The following ARHGEF18 variants were observed in gnomAD, a reference collection of about 807,000 sequenced individuals.
The protein encoded by ARHGEF18 is Rho/Rac guanine nucleotide exchange factor 18, also known as rho guanine nucleotide exchange factor 18.
A neutral mutation model predicts 155.7 loss-of-function variants in ARHGEF18; 93 were observed. The observed-to-expected ratio is 0.60, with a 90% CI of 0.50 to 0.71. The LOEUF is 0.71. Ranked by LOEUF, ARHGEF18 falls within the 30% of genes least tolerant of loss-of-function variation. ARHGEF18 has a pLI of 0.00. For missense variants in ARHGEF18, 1,593 were observed against 1,816.1 expected (o/e 0.88, Z 2.23); for synonymous variants, 742 against 753.1 (o/e 0.99, Z 0.24).
At chr19:7,362,407 C>T (rs1428356478) in intron 1 of ARHGEF18, among the ~76,000 whole-genome samples, 1 of 152,058 alleles carries the variant, frequency 6.6e-6, no homozygotes, top group Non-Finnish European at 1.5e-5. Context: ...GGACCATTAG[C>T]ATCATTGATC....
rs559117409 is a variant in ARHGEF18 at position 7,351,417 on chromosome 19, G to A, written c.-111+2176G>A. Among the ~76,000 whole-genome samples, 12 of 151,910 alleles carry A rather than the reference G, an allele frequency of 7.9e-5. No homozygotes were observed. In the East Asian group the frequency reaches 2.0e-3, roughly 25 times the overall value. On this transcript the variant is annotated intron_variant, in intron 1 of 28. Transcript: ENST00000668164. The stretch of plus-strand genomic sequence containing the variant: ...CGGCTCACTGCAAGCTCCACCTCCC[G>A]GGTTCACGCCATTCTCCTGCCTCAG...
chr19:7,388,833 A>G (rs925840066), intron 10 of ARHGEF18, among the ~76,000 whole-genome samples: 1 of 151,946 alleles, frequency 6.6e-6, no homozygotes, highest in East Asian at 1.9e-4. Context: ...CACCCCCCTC[A>G]GCCTTCCAAA....
chr19:7,370,320 T>C (rs1371796152), intron 2 of ARHGEF18, among the ~76,000 whole-genome samples: 1 of 151,746 alleles, frequency 6.6e-6, no homozygotes, highest in South Asian at 2.1e-4. Flanking sequence ...ACAGGGAAAC[T>C]CCATCTCTAC....
At chr19:7,383,377 TTG>T (rs1970842196) in intron 10 of ARHGEF18, 174 bp downstream of exon 10, 2 of 599,324 alleles carry the variant, frequency 3.3e-6, no homozygotes, top group African/African-American at 3.8e-5. Flanking sequence ...ACAGGGACCC[TTG>T]GGCTAACTCG....
In ARHGEF18 at chr19:7,367,574, C is replaced by T. The variant is rs560219196; in HGVS notation, c.15+4669C>T. Among the ~76,000 whole-genome samples the T allele has an allele frequency of 4.0e-5, 6 of 151,230 alleles. No homozygotes were observed. The East Asian group carries it at 7.8e-4, about 20-fold the overall frequency. ...CCAGTCTGGCCAACATGGTAAAACC[C>T]GTCTCTACTAAAAATAAAAAAATTA... On this transcript the variant is annotated intron_variant, in intron 2 of 28. Transcript: ENST00000668164.
intron 16 of ARHGEF18, among the ~76,000 whole-genome samples, chr19:7,452,169 G>A (rs1657680028): frequency 6.6e-6 from 1 of 152,242 alleles, no homozygotes; most frequent in South Asian, 2.1e-4. Flanking sequence ...CTGTGGAAAG[G>A]ATGAATGGAT....
intron 10 of ARHGEF18, among the ~76,000 whole-genome samples, chr19:7,388,555 G>T (rs773375339): frequency 9.9e-5 from 15 of 151,900 alleles, no homozygotes; most frequent in Non-Finnish European, 1.5e-5. Flanking sequence ...CCAATCCATT[G>T]GCATATGATG....
At chr19:7,417,801 G>A (rs1485434078) in intron 10 of ARHGEF18, among the ~76,000 whole-genome samples, 1 of 152,190 alleles carries the variant, frequency 6.6e-6, no homozygotes, top group Admixed American at 6.5e-5. Context: ...GGTGGGTGGA[G>A]CCAGGTGGCC....
At chr19:7,358,263 ATCCATTCT>A (rs1399533607) in intron 1 of ARHGEF18, among the ~76,000 whole-genome samples, 1 of 136,198 alleles carries the variant, frequency 7.3e-6, no homozygotes, top group African/African-American at 3.3e-5. Flanking sequence ...CCATTCTTCC[ATCCATTCT>A]TCCATCCATC....
chr19:7,441,988 C>A lies in ARHGEF18; in HGVS notation c.1296C>A (p.Ala432=), dbSNP rs370517063. 5 of 1,613,934 alleles carry A rather than the reference C, an allele frequency of 3.1e-6. No individual in the cohort carries two copies. Among genetic ancestry groups the A allele is most frequent in the Non-Finnish European group, 4.2e-6 (5 of 1,180,020 alleles). Reference sequence around the variant, plus strand: ...TTGAAGCTGAGTCCTGGAGCCTCGCCGTGGATGCAGCCTACGCCAAGAAGC... The same window carrying A: ...TTGAAGCTGAGTCCTGGAGCCTCGCAGTGGATGCAGCCTACGCCAAGAAGC... ...HEFEAESWSL[A]VDAAYAKKQK... The change falls in exon 13 of 29, where the codon GCC becomes GCA. Residue 432 remains alanine (A), a synonymous_variant. Coordinates refer to ENST00000668164, the MANE Select transcript of ARHGEF18 (RefSeq NM_001367823.1).
intron 10 of ARHGEF18, among the ~76,000 whole-genome samples, chr19:7,417,054 C>A (rs1568314875): frequency 6.6e-6 from 1 of 152,068 alleles, no homozygotes. Flanking sequence ...GGATTACAGG[C>A]ACGCACCACC....
intron 1 of ARHGEF18, among the ~76,000 whole-genome samples, chr19:7,350,924 C>T (rs547432357): frequency 6.6e-6 from 1 of 152,208 alleles, no homozygotes; most frequent in African/African-American, 2.4e-5. Flanking sequence ...CTGCCTCAGC[C>T]TCCCAAGTAG....
intron 10 of ARHGEF18, among the ~76,000 whole-genome samples, chr19:7,383,620 T>C (rs1243651806): frequency 6.6e-6 from 1 of 152,112 alleles, no homozygotes; most frequent in African/African-American, 2.4e-5. Context: ...TCCAGGCGTC[T>C]CTCCTGGCTT....
chr19:7,371,879 A>C (rs1303251576), intron 2 of ARHGEF18, among the ~76,000 whole-genome samples: 3 of 152,184 alleles, frequency 2.0e-5, no homozygotes, highest in African/African-American at 7.2e-5. Flanking sequence ...CTGGAATAAA[A>C]AGAAGGGAGG....
rs569812899 is a variant in ARHGEF18 at position 7,407,298 on chromosome 19, C to T, written c.967+24095C>T. Among the ~76,000 whole-genome samples the T allele has an allele frequency of 7.7e-3, 1,170 of 151,640 alleles. 6 individuals are homozygous for T. The highest frequency in any genetic ancestry group is 0.014 in the Middle Eastern group (4 of 294). On this transcript the variant is annotated intron_variant, in intron 10 of 28. Transcript: ENST00000668164. ...AAAATTAGCCGGGTGTGGTGGCGGG[C>T]ACCTGTAATCCCAGCTACTCAGGAG...
intron 20 of ARHGEF18, among the ~76,000 whole-genome samples, chr19:7,460,453 T>A (rs1431554040): frequency 6.6e-6 from 1 of 152,146 alleles, no homozygotes; most frequent in Admixed American, 6.5e-5. Context: ...TTCAGGGGCA[T>A]TTCAGTGCAT....
chr19:7,378,361 A>T (rs1970560345), intron 5 of ARHGEF18, 33 bp from the exon 6 acceptor site: 2 of 1,233,310 alleles, frequency 1.6e-6, no homozygotes, highest in African/African-American at 3.1e-5. Context: ...GCTCCTGACA[A>T]CTGTGCTTCC....
At chr19:7,368,002 G>GAGAGAGAGAGAGAGA (rs1970012342) in intron 2 of ARHGEF18, among the ~76,000 whole-genome samples, 1 of 32,450 alleles carries the variant, frequency 3.1e-5, no homozygotes, top group African/African-American at 1.3e-4. Flanking sequence ...AGAGAGAGAG[G>GAGAGAGAGAGAGAGA]GAGGGAGGGA....
At chr19:7,469,820 G>A (rs1690763397) in intron 27 of ARHGEF18, 84 bp from the exon 28 acceptor site, 18 of 1,531,126 alleles carry the variant, frequency 1.2e-5, no homozygotes, top group Non-Finnish European at 1.6e-5. Flanking sequence ...GGGGTGGCCA[G>A]GCCCCTCTGC....
Sources: gnomAD v4.1 joint callset for allele counts (sites outside exome capture counted in the v4.1 genomes callset) on GRCh38, gnomAD v4.1.1 for gene constraint, MANE v1.5 for transcripts, NCBI Gene and HGNC (gene_info 2026-07-23, HGNC 2026-07-21) for gene names.